The following LRRC10B variants were observed in gnomAD, a reference collection of about 807,000 sequenced individuals.
LRRC10B encodes leucine rich repeat containing 10B.
For synonymous variants in LRRC10B, 204 were observed against 221.5 expected (o/e 0.92, Z 0.70); for missense variants, 389 against 436.5 (o/e 0.89, Z 0.97).
chr11:61,509,438 G>T lies in LRRC10B; in HGVS notation c.440G>T (p.Arg147Leu). The T allele has an allele frequency of 6.8e-7, 1 of 1,480,060 alleles. No homozygotes were observed. The highest frequency in any genetic ancestry group is 8.9e-7 in the Non-Finnish European group (1 of 1,126,252). The allele number at this position is 1,480,060 out of a possible 1,614,324, so 91.7% of individuals were successfully genotyped here. ...ALQSLQMGDNRLRALPAELPR... is the reference protein window; with the variant it reads ...ALQSLQMGDNLLRALPAELPR... ...CAGTCGCTCCAGATGGGCGACAACCGGCTGCGCGCGCTGCCGGCCGAGCTG... is the reference window on the plus strand; with the variant it reads ...CAGTCGCTCCAGATGGGCGACAACCTGCTGCGCGCGCTGCCGGCCGAGCTG... The change falls in exon 1 of 1, where the codon CGG becomes CTG. Residue 147 changes from arginine to leucine, a missense_variant. By Grantham distance (102) the Arg-to-Leu change is moderately radical. Coordinates refer to ENST00000378075, the MANE Select transcript of LRRC10B (RefSeq NM_001145077.2).
rs2062069731 is a variant in LRRC10B, at chr11:61,508,825, A to C, written c.-174A>C. On this transcript the variant is annotated 5_prime_UTR_variant, in exon 1 of 1. Transcript: ENST00000378075. ...CGCGGCGCGCGGCGGCGGTGCCCCAAGTGGGTGCCTCCTCCCGGCCCCGCA... is the reference window on the plus strand; with the variant it reads ...CGCGGCGCGCGGCGGCGGTGCCCCACGTGGGTGCCTCCTCCCGGCCCCGCA... The C allele has an allele frequency of 7.1e-6, 2 of 283,372 alleles. No individual in the cohort carries two copies. Among genetic ancestry groups the C allele is most frequent in the Admixed American group, 6.5e-5 (1 of 15,310 alleles). 17.6% of individuals were successfully genotyped at this position (283,372 alleles called of 1,614,324 possible).
rs1002278898 is a variant in LRRC10B, at chr11:61,509,395, C to A, written c.397C>A (p.Leu133Met). The change falls in exon 1 of 1, where the codon CTG (leucine) becomes ATG (methionine). Residue 133 changes from leucine (L) to methionine (M), a missense_variant. Transcript: ENST00000378075. ...CTTGCGGCGCTTCCCGCGGCCGCTG[C>A]TGCGCCTGGTGGCGCTGCAGTCGCT... ...NFLRRFPRPL[L>M]RLVALQSLQM... The A allele has an allele frequency of 1.6e-5, 24 of 1,494,194 alleles. No homozygotes were observed. Among genetic ancestry groups the A allele is most frequent in the Non-Finnish European group, 1.9e-5 (21 of 1,130,584 alleles). The allele number at this position is 1,494,194 out of a possible 1,614,324, so 92.6% of individuals were successfully genotyped here.
rs2062077928 is a variant in LRRC10B, at chr11:61,509,990, T to C, written c.*113T>C. ...TCCCTACTTAGGTCAATGGAACGGC[T>C]ACTTTTGGCGAGTTGCCGGGCACAG... On this transcript the variant is annotated 3_prime_UTR_variant, in exon 1 of 1. Transcript: ENST00000378075. The C allele has an allele frequency of 8.6e-7, 1 of 1,162,808 alleles. No homozygotes were observed. 72.0% of individuals were successfully genotyped at this position (1,162,808 alleles called of 1,614,324 possible).
chr11:61,509,453 C>G lies in LRRC10B; in HGVS notation c.455C>G (p.Pro152Arg). ...QMGDNRLRAL[P>R]AELPRMTGLR... ...GGCGACAACCGGCTGCGCGCGCTGC[C>G]GGCCGAGCTGCCGCGCATGACGGGC... The change falls in exon 1 of 1, where the codon CCG becomes CGG. Residue 152 changes from proline to arginine, a missense_variant. By Grantham distance (103) the Pro-to-Arg change is moderately radical (BLOSUM62 -2). Transcript: ENST00000378075. The G allele has an allele frequency of 2.7e-6, 4 of 1,484,346 alleles. No homozygotes were observed. The highest frequency in any genetic ancestry group is 3.5e-6 in the Non-Finnish European group (4 of 1,127,308). 91.9% of individuals were successfully genotyped at this position (1,484,346 alleles called of 1,614,324 possible).
rs1437767570 is a variant in LRRC10B at position 61,509,751 on chromosome 11, C to T, written c.753C>T (p.Arg251=). Residue 251 remains arginine, a synonymous_variant, in exon 1 of 1, where the codon CGC becomes CGT. Coordinates refer to ENST00000378075, the MANE Select transcript of LRRC10B (RefSeq NM_001145077.2). ...DEPTPRPPPR[R]PARAFEDEEE... is the part of the protein sequence containing the mutation. ...CCACGCCCCGGCCTCCGCCCCGGCGCCCAGCGCGGGCCTTTGAGGATGAGG... is the reference window on the plus strand; with the variant it reads ...CCACGCCCCGGCCTCCGCCCCGGCGTCCAGCGCGGGCCTTTGAGGATGAGG... 1 of 1,523,056 alleles carries T rather than the reference C, an allele frequency of 6.6e-7. No homozygotes were observed. Among genetic ancestry groups the T allele is most frequent in the Non-Finnish European group, 8.8e-7 (1 of 1,141,734 alleles). The allele number at this position is 1,523,056 out of a possible 1,614,324, so 94.3% of individuals were successfully genotyped here. A position where few individuals can be genotyped will look rare whatever the true frequency, so the allele number is the denominator to read the frequency against.
Position 61,509,474 on chromosome 11 carries a change from C to A in LRRC10B, c.476C>A (p.Thr159Lys), listed in dbSNP as rs1243059471. ...CTGCCGGCCGAGCTGCCGCGCATGA[C>A]GGGCTTGCGCGGCCTCTGGCTCTAC... ...RALPAELPRMTGLRGLWLYGN... is the reference protein window; with the variant it reads ...RALPAELPRMKGLRGLWLYGN... The change falls in exon 1 of 1, where the codon ACG (threonine) becomes AAG (lysine). Residue 159 changes from threonine to lysine, a missense_variant. Coordinates refer to ENST00000378075, the MANE Select transcript of LRRC10B (RefSeq NM_001145077.2). 6.7e-6 allele frequency: 10 copies of A among 1,497,932 alleles called. No homozygotes were observed. The highest frequency in any genetic ancestry group is 8.8e-6 in the Non-Finnish European group (10 of 1,132,646). 92.8% of individuals were successfully genotyped at this position (1,497,932 alleles called of 1,614,324 possible).
chr11:61,509,363 G>A lies in LRRC10B; in HGVS notation c.365G>A (p.Gly122Asp), dbSNP rs1465450647. 1 of 1,495,642 alleles carries A rather than the reference G, an allele frequency of 6.7e-7. No homozygotes were observed. 92.6% of individuals were successfully genotyped at this position (1,495,642 alleles called of 1,614,324 possible). ...AGCCTGCGCTGCCTCTGGATCGAGGGCAACTTCTTGCGGCGCTTCCCGCGG... is the reference window on the plus strand; with the variant it reads ...AGCCTGCGCTGCCTCTGGATCGAGGACAACTTCTTGCGGCGCTTCCCGCGG... ...LQSLRCLWIE[G>D]NFLRRFPRPL... Residue 122 changes from glycine (G) to aspartate (D), a missense_variant, in exon 1 of 1, where the codon GGC becomes GAC. Physicochemically the swap from Gly to Asp is moderately conservative, Grantham distance 94. Coordinates refer to ENST00000378075, the MANE Select transcript of LRRC10B (RefSeq NM_001145077.2).
At position 61,510,048 on chromosome 11, in the gene LRRC10B, G is replaced by A; in HGVS notation, c.*171G>A. 1 of 612,948 alleles carries A rather than the reference G, an allele frequency of 1.6e-6. No homozygotes were observed. Among genetic ancestry groups the A allele is most frequent in the South Asian group, 2.6e-5 (1 of 38,682 alleles). The allele number at this position is 612,948 out of a possible 1,614,324, so 38.0% of individuals were successfully genotyped here. A position where few individuals can be genotyped will look rare whatever the true frequency, so the allele number is the denominator to read the frequency against. ...TGGGGCTCATCTTCAGACACTCCTAGGTAGTAAGAGGACTGACTATACCCT... is the reference window on the plus strand; with the variant it reads ...TGGGGCTCATCTTCAGACACTCCTAAGTAGTAAGAGGACTGACTATACCCT... On this transcript the variant is annotated 3_prime_UTR_variant, in exon 1 of 1. Transcript: ENST00000378075.
Position 61,509,726 on chromosome 11 carries a change from C to T in LRRC10B, c.728C>T (p.Pro243Leu), listed in dbSNP as rs953822311. 2 of 1,518,958 alleles carry T rather than the reference C, an allele frequency of 1.3e-6. No individual in the cohort carries two copies. The highest frequency in any genetic ancestry group is 2.1e-5 in the Admixed American group (1 of 47,712). The allele number at this position is 1,518,958 out of a possible 1,614,324, so 94.1% of individuals were successfully genotyped here. A position where few individuals can be genotyped will look rare whatever the true frequency, so the allele number is the denominator to read the frequency against. Residue 243 changes from proline (P) to leucine (L), a missense_variant, in exon 1 of 1, where the codon CCC becomes CTC. Transcript: ENST00000378075. ...GAGCGCATGGCGGAGCGCGACGAGC[C>T]CACGCCCCGGCCTCCGCCCCGGCGC... is the stretch of plus-strand genomic sequence containing the variant. ...AVERMAERDE[P>L]TPRPPPRRPA...
Position 61,510,190 on chromosome 11 carries a change from A to C in LRRC10B, c.*313A>C, listed in dbSNP as rs1470200937. On this transcript the variant is annotated 3_prime_UTR_variant, in exon 1 of 1. Transcript: ENST00000378075. Reference sequence around the variant, plus strand: ...TGGAACCAGGGTCTCTGAGGGCCACAGAATTGTCACGTCTCCCTGAGTCTG... The same window carrying C: ...TGGAACCAGGGTCTCTGAGGGCCACCGAATTGTCACGTCTCCCTGAGTCTG... 1 of 343,512 alleles carries C rather than the reference A, an allele frequency of 2.9e-6. No individual in the cohort carries two copies. Among genetic ancestry groups the C allele is most frequent in the Non-Finnish European group, 5.4e-6 (1 of 183,546 alleles). The allele number at this position is 343,512 out of a possible 1,614,324, so 21.3% of individuals were successfully genotyped here. A position where few individuals can be genotyped will look rare whatever the true frequency, so the allele number is the denominator to read the frequency against.
chr11:61,509,005 A>C lies in LRRC10B; in HGVS notation c.7A>C (p.Ile3Leu). The stretch of plus-strand genomic sequence containing the variant: ...CCGGCCGGGGCCCGTGACCATGGGC[A>C]TCGCCGAGTCCACGCCGGATGAGCT... MG[I>L]AESTPDELPS... is the part of the protein sequence containing the mutation. The change falls in exon 1 of 1, where the codon ATC becomes CTC. Residue 3 changes from isoleucine (I) to leucine (L), a missense_variant. Ile to Leu is a conservative substitution (Grantham distance 5). Transcript: ENST00000378075. 1.4e-4 allele frequency: 167 copies of C among 1,206,852 alleles called. No individual in the cohort carries two copies. Among genetic ancestry groups the C allele is most frequent in the East Asian group, 7.6e-4 (13 of 17,134 alleles). The allele number at this position is 1,206,852 out of a possible 1,614,324, so 74.8% of individuals were successfully genotyped here.
In LRRC10B at chr11:61,509,644, G is replaced by A. The variant is rs938184146; in HGVS notation, c.646G>A (p.Val216Ile). 6 of 1,521,378 alleles carry A rather than the reference G, an allele frequency of 3.9e-6. No homozygotes were observed. The highest frequency in any genetic ancestry group is 4.4e-6 in the Non-Finnish European group (5 of 1,140,294). The allele number at this position is 1,521,378 out of a possible 1,614,324, so 94.2% of individuals were successfully genotyped here. ...LRVFSYDHNP[V>I]TGPPRVADTV... Reference sequence around the variant, plus strand: ...CGTCTTCTCCTACGACCACAACCCCGTCACCGGGCCCCCGCGCGTCGCGGA... The same window carrying A: ...CGTCTTCTCCTACGACCACAACCCCATCACCGGGCCCCCGCGCGTCGCGGA... Residue 216 changes from valine (V) to isoleucine (I), a missense_variant, in exon 1 of 1, where the codon GTC (valine) becomes ATC (isoleucine). Transcript: ENST00000378075.
chr11:61,508,891 C>G lies in LRRC10B; in HGVS notation c.-108C>G. 1.2e-6 allele frequency: 1 copy of G among 847,466 alleles called. No individual in the cohort carries two copies. Among genetic ancestry groups the G allele is most frequent in the Non-Finnish European group, 1.4e-6 (1 of 705,312 alleles). 52.5% of individuals were successfully genotyped at this position (847,466 alleles called of 1,614,324 possible). On this transcript the variant is annotated 5_prime_UTR_variant, in exon 1 of 1. Coordinates refer to ENST00000378075, the MANE Select transcript of LRRC10B (RefSeq NM_001145077.2). ...CGCGGGGGAAGGCCGGGGCGGGGGG[C>G]CCGGGGGCCGGCGCGGCTCCGGCAC...
Position 61,508,981 on chromosome 11 carries a change from C to G in LRRC10B, c.-18C>G. ...CTGGCGGTGGCAGTGGCGGCGGCCCCGGCCGGGGCCCGTGACCATGGGCAT... is the reference window on the plus strand; with the variant it reads ...CTGGCGGTGGCAGTGGCGGCGGCCCGGGCCGGGGCCCGTGACCATGGGCAT... On this transcript the variant is annotated 5_prime_UTR_variant, in exon 1 of 1. Transcript: ENST00000378075. 7.7e-7 allele frequency: 1 copy of G among 1,302,394 alleles called. No individual in the cohort carries two copies. The highest frequency in any genetic ancestry group is 2.1e-5 in the South Asian group (1 of 46,772). 80.7% of individuals were successfully genotyped at this position (1,302,394 alleles called of 1,614,324 possible).
In LRRC10B at chr11:61,510,132, G is replaced by A; in HGVS notation, c.*255G>A. ...TCTGGGCTGGGTCCAGTCCCCGATGGAGCCACTGATAACAGAGGCACCAGC... is the reference window on the plus strand; with the variant it reads ...TCTGGGCTGGGTCCAGTCCCCGATGAAGCCACTGATAACAGAGGCACCAGC... On this transcript the variant is annotated 3_prime_UTR_variant, in exon 1 of 1. Transcript: ENST00000378075. The A allele has an allele frequency of 2.3e-6, 1 of 432,324 alleles. No homozygotes were observed. The highest frequency in any genetic ancestry group is 7.7e-5 in the South Asian group (1 of 13,042). The allele number at this position is 432,324 out of a possible 1,614,324, so 26.8% of individuals were successfully genotyped here.
chr11:61,509,190 G>GGAGCTGCGC lies in LRRC10B; in HGVS notation c.202_210dup (p.Glu68_Arg70dup), dbSNP rs1430593254. ...TGCGCGAGCTGCCGGAGGAGATCGA[G>GGAGCTGCGC]GAGCTGCGCGAGCTGCGCATCCTGG... On this transcript the variant is annotated inframe_insertion, in exon 1 of 1. Transcript: ENST00000378075. 7 of 1,531,802 alleles carry GGAGCTGCGC rather than the reference G, an allele frequency of 4.6e-6. No homozygotes were observed. Among genetic ancestry groups the GGAGCTGCGC allele is most frequent in the Admixed American group, 3.9e-5 (2 of 50,638 alleles). The allele number at this position is 1,531,802 out of a possible 1,614,324, so 94.9% of individuals were successfully genotyped here.
In LRRC10B at chr11:61,508,946, G is replaced by C. The variant is rs888805692; in HGVS notation, c.-53G>C. 6.3e-5 allele frequency: 78 copies of C among 1,235,636 alleles called. 1 individual carries two copies. The highest frequency in any genetic ancestry group is 5.6e-5 in the Non-Finnish European group (55 of 988,308). The allele number at this position is 1,235,636 out of a possible 1,614,324, so 76.5% of individuals were successfully genotyped here. ...GGGGCGGCTGGGGGGCGGCCGGGGC[G>C]GGGCGATGCCTGGCGGTGGCAGTGG... On this transcript the variant is annotated 5_prime_UTR_variant, in exon 1 of 1. Coordinates refer to ENST00000378075, the MANE Select transcript of LRRC10B (RefSeq NM_001145077.2).
In LRRC10B at chr11:61,510,134, G is replaced by A. The variant is rs1412487956; in HGVS notation, c.*257G>A. ...TGGGCTGGGTCCAGTCCCCGATGGA[G>A]CCACTGATAACAGAGGCACCAGCTT... On this transcript the variant is annotated 3_prime_UTR_variant, in exon 1 of 1. Coordinates refer to ENST00000378075, the MANE Select transcript of LRRC10B (RefSeq NM_001145077.2). 4 of 430,304 alleles carry A rather than the reference G, an allele frequency of 9.3e-6. No homozygotes were observed. The highest frequency in any genetic ancestry group is 1.7e-5 in the Non-Finnish European group (4 of 238,408). 26.7% of individuals were successfully genotyped at this position (430,304 alleles called of 1,614,324 possible).
rs1234239587 is a variant in LRRC10B, at chr11:61,509,121, C to T, written c.123C>T (p.Cys41=). ...TGCGGCGGCTGCCCAGCGCAGTGTG[C>T]GCGCTGAGCCGCCTGCAGAAGCTGT... ...RRLRRLPSAV[C]ALSRLQKLYV... The change falls in exon 1 of 1, where the codon TGC becomes TGT. Residue 41 remains cysteine (C), a synonymous_variant. Coordinates refer to ENST00000378075, the MANE Select transcript of LRRC10B (RefSeq NM_001145077.2). 1 of 1,521,934 alleles carries T rather than the reference C, an allele frequency of 6.6e-7. No individual in the cohort carries two copies. The highest frequency in any genetic ancestry group is 2.0e-5 in the Admixed American group (1 of 49,930). The allele number at this position is 1,521,934 out of a possible 1,614,324, so 94.3% of individuals were successfully genotyped here. A position where few individuals can be genotyped will look rare whatever the true frequency, so the allele number is the denominator to read the frequency against.
Sources: allele counts gnomAD v4.1 joint callset, GRCh38; gene constraint gnomAD v4.1.1; transcripts MANE v1.5; gene names NCBI Gene and HGNC (gene_info 2026-07-23, HGNC 2026-07-21).